Variants in SPIN1 observed in about 807,000 individuals in gnomAD.
The protein encoded by SPIN1 is spindlin-1.
In SPIN1, 3 loss-of-function variants were observed where a neutral mutation model predicts 26.0. The ratio of observed to expected loss-of-function variants is 0.12; its 90% CI spans 0.05 to 0.30. The LOEUF (loss-of-function observed/expected upper bound fraction) is 0.30, where lower values mean the gene tolerates loss of function less well. Ranked by LOEUF, SPIN1 falls within the 10% of genes least tolerant of loss-of-function variation. SPIN1 has a pLI of 1.00. For missense variants in SPIN1, 126 were observed against 333.4 expected (o/e 0.38, Z 4.84); for synonymous variants, 101 against 116.5 (o/e 0.87, Z 0.86).
intron 1 of SPIN1, among the ~76,000 whole-genome samples, chr9:88,425,571 C>A (rs139085309): frequency 6.6e-6 from 1 of 151,368 alleles, no homozygotes; most frequent in Admixed American, 6.6e-5. Flanking sequence ...CCAGCTACTC[C>A]GGAGGCTGAG....
chr9:88,391,000 G>A (rs935253310), intron 1 of SPIN1, among the ~76,000 whole-genome samples: 4 of 152,026 alleles, frequency 2.6e-5, no homozygotes, highest in Non-Finnish European at 5.9e-5. Context: ...TTATGCTCTT[G>A]CCAAACTACC....
At chr9:88,455,828 TTAGC>T (rs1203548086) in intron 3 of SPIN1, among the ~76,000 whole-genome samples, 5 of 151,998 alleles carry the variant, frequency 3.3e-5, no homozygotes, top group Non-Finnish European at 7.4e-5. Context: ...AAATTAAACA[TTAGC>T]TAGGCATGGT....
At chr9:88,409,036 C>T (rs1827378569) in intron 1 of SPIN1, among the ~76,000 whole-genome samples, 1 of 145,414 alleles carries the variant, frequency 6.9e-6, no homozygotes, top group South Asian at 2.2e-4. Flanking sequence ...GCTCTTGTTG[C>T]CCAGGCTGGA....
intron 2 of SPIN1, among the ~76,000 whole-genome samples, chr9:88,436,226 C>G (rs55845391): frequency 6.6e-6 from 1 of 152,158 alleles, no homozygotes; most frequent in Non-Finnish European, 1.5e-5. Flanking sequence ...TGCTCCACAG[C>G]GCCTGACTTT....
chr9:88,431,759 A>G (rs939733846), intron 2 of SPIN1, among the ~76,000 whole-genome samples: 2 of 152,304 alleles, frequency 1.3e-5, no homozygotes, highest in Middle Eastern at 3.4e-3. Context: ...CTTCAGATTA[A>G]TCCTTTAGGT....
At chr9:88,393,478 C>T (rs1204223031) in intron 1 of SPIN1, among the ~76,000 whole-genome samples, 3 of 72,462 alleles carry the variant, frequency 4.1e-5, no homozygotes, top group Admixed American at 2.1e-4. Context: ...TTTTTTGAGA[C>T]GGAGTCTCCC....
intron 1 of SPIN1, among the ~76,000 whole-genome samples, chr9:88,403,394 G>C (rs115837501): frequency 1.2e-4 from 19 of 152,098 alleles, no homozygotes; most frequent in Non-Finnish European, 2.4e-4. Context: ...ATGAGGGTGT[G>C]TTCTTAGATG....
chr9:88,460,690 AG>A (rs1828561504), intron 3 of SPIN1, among the ~76,000 whole-genome samples: 1 of 152,164 alleles, frequency 6.6e-6, no homozygotes. Context: ...GCCAGCAGGA[AG>A]AAAAAGGGGT....
At chr9:88,467,322 G>C (rs1236330897) in intron 4 of SPIN1, among the ~76,000 whole-genome samples, 1 of 152,136 alleles carries the variant, frequency 6.6e-6, no homozygotes, top group Non-Finnish European at 1.5e-5. Context: ...TATAAAACAA[G>C]AAAGGGAAGG....
At chr9:88,458,735 G>T (rs1011966188) in intron 3 of SPIN1, among the ~76,000 whole-genome samples, 4 of 152,182 alleles carry the variant, frequency 2.6e-5, no homozygotes, top group African/African-American at 9.7e-5. Context: ...GGCTAATGCA[G>T]TTGGGACTGA....
intron 4 of SPIN1, among the ~76,000 whole-genome samples, chr9:88,467,718 G>A (rs1020760060): frequency 6.6e-6 from 1 of 151,974 alleles, no homozygotes; most frequent in African/African-American, 2.4e-5. Flanking sequence ...CACACAATGT[G>A]GTATCAGTGA....
chr9:88,430,167 A>G (rs1451976091), intron 2 of SPIN1, among the ~76,000 whole-genome samples: 1 of 152,230 alleles, frequency 6.6e-6, no homozygotes, highest in African/African-American at 2.4e-5. Context: ...CAAGAAGCCC[A>G]GGTAGGCATT....
chr9:88,409,837 C>CA (rs879517349), intron 1 of SPIN1, among the ~76,000 whole-genome samples: 1,271 of 111,018 alleles, frequency 0.011, 10 homozygotes, highest in African/African-American at 0.025. Flanking sequence ...GACTCCGTCT[C>CA]AAAAAAAAAA....
At chr9:88,470,222 C>T (rs940285077) in intron 5 of SPIN1, among the ~76,000 whole-genome samples, 1 of 152,176 alleles carries the variant, frequency 6.6e-6, no homozygotes, top group Non-Finnish European at 1.5e-5. Flanking sequence ...TCCAGTAAAG[C>T]ACATCTGAGT....
At chr9:88,442,746 G>GT (rs997820105) in intron 2 of SPIN1, among the ~76,000 whole-genome samples, 16 of 151,942 alleles carry the variant, frequency 1.1e-4, no homozygotes, top group Admixed American at 5.2e-4. Flanking sequence ...CTTTGGTGTA[G>GT]TTTTTTTCTG....
chr9:88,408,376 C>CTTTT (rs1177261349), intron 1 of SPIN1, among the ~76,000 whole-genome samples: 4 of 115,434 alleles, frequency 3.5e-5, no homozygotes, highest in Non-Finnish European at 5.1e-5. Context: ...TCCTTTTTTT[C>CTTTT]TTTTTTTTTT....
chr9:88,415,671 C>T (rs978431924), intron 1 of SPIN1: 4 of 152,234 alleles, frequency 2.6e-5, no homozygotes, highest in African/African-American at 9.7e-5. Flanking sequence ...ATCTTCCTAC[C>T]TTGGTCTTCC....
rs549716842 is a variant in SPIN1 at position 88,426,802 on chromosome 9, T to C, written c.52+211T>C. On this transcript the variant is annotated intron_variant, in intron 2 of 5. Coordinates refer to ENST00000375859, the MANE Select transcript of SPIN1 (RefSeq NM_006717.3). Reference sequence around the variant, plus strand: ...ATTTCTGTATAATCCTTTAGCAGGTTATAAATGTCTAGTAAATTTAGCAAG... The same window carrying C: ...ATTTCTGTATAATCCTTTAGCAGGTCATAAATGTCTAGTAAATTTAGCAAG... Among the ~76,000 whole-genome samples, 31 of 152,318 alleles carry C rather than the reference T, an allele frequency of 2.0e-4. 2 individuals carry two copies. The South Asian group carries it at 6.0e-3, about 29-fold the overall frequency.
At chr9:88,452,969 G>T (rs1828393015) in intron 3 of SPIN1, among the ~76,000 whole-genome samples, 1 of 152,132 alleles carries the variant, frequency 6.6e-6, no homozygotes, top group South Asian at 2.1e-4. Flanking sequence ...GTATGTGGTA[G>T]AATTGTGATT....
Sources: allele counts gnomAD v4.1 joint callset (sites outside exome capture counted in the v4.1 genomes callset), GRCh38; gene constraint gnomAD v4.1.1; transcripts MANE v1.5; gene names NCBI Gene and HGNC (gene_info 2026-07-23, HGNC 2026-07-21).